Variants in MOCOS observed in about 807,000 individuals in gnomAD.
MOCOS encodes the protein molybdenum cofactor sulfurase.
In MOCOS, 86 loss-of-function variants were observed where a neutral mutation model predicts 83.6. That is an observed-to-expected ratio of 1.03 (90% confidence interval 0.86 to 1.23). The LOEUF (loss-of-function observed/expected upper bound fraction) is 1.23, where lower values mean the gene tolerates loss of function less well. Ranked by LOEUF, MOCOS falls within the 50% of genes most tolerant of loss-of-function variation. The pLI, the probability that MOCOS is intolerant of heterozygous loss-of-function variation, is 0.00. For missense variants in MOCOS, 1,120 were observed against 1,126.9 expected, an observed-to-expected ratio of 0.99 and a Z score of 0.09; for synonymous variants, 445 against 434.7, an observed-to-expected ratio of 1.02 and a Z score of -0.29.
At chr18:36,211,257 T>C (rs2091454602) in intron 6 of MOCOS, among the ~76,000 whole-genome samples, 1 of 152,184 alleles carries the variant, frequency 6.6e-6, no homozygotes, top group Non-Finnish European at 1.5e-5. Context: ...GAAGGCTTTG[T>C]GTTCTTGTTT....
chr18:36,199,939 T>A lies in MOCOS; in HGVS notation c.556T>A (p.Ser186Thr). ...GTGGTCTGCAGAGGAACGTAGTGCT[T>A]CAGCCAGCAACCCAGACTGCCAGCT... Reference protein sequence around the residue: ...DLWSAEERSASASNPDCQLPH... With the variant: ...DLWSAEERSATASNPDCQLPH... Residue 186 changes from serine (S) to threonine (T), a missense_variant, in exon 4 of 15, where the codon TCA becomes ACA. Coordinates refer to ENST00000261326, the MANE Select transcript of MOCOS (RefSeq NM_017947.4). 2 of 1,614,206 alleles carry A rather than the reference T, an allele frequency of 1.2e-6. No individual in the cohort carries two copies. Among genetic ancestry groups the A allele is most frequent in the Non-Finnish European group, 1.7e-6 (2 of 1,180,040 alleles).
intron 5 of MOCOS, among the ~76,000 whole-genome samples, chr18:36,203,890 G>A (rs1030559031): frequency 9.2e-5 from 14 of 152,166 alleles, no homozygotes; most frequent in African/African-American, 3.4e-4. Flanking sequence ...ATAAATACAG[G>A]CAGTGAGTAG....
In MOCOS at chr18:36,193,317, C is replaced by CAAAA. The variant is rs555145311; in HGVS notation, c.143-1905_143-1902dup. Among the ~76,000 whole-genome samples the CAAAA allele has an allele frequency of 1.9e-3, 71 of 38,310 alleles. 14 individuals carry two copies. Among genetic ancestry groups the CAAAA allele is most frequent in the East Asian group, 4.0e-3 (3 of 754 alleles). The allele number at this position is 38,310 out of a possible 152,430, so 25.1% of individuals were successfully genotyped here. ...TGGGCGACAGAGCGAGACTCCGTCT[C>CAAAA]AAAAAAAAAAAAAAAAAAAAAAAAA... On this transcript the variant is annotated intron_variant, in intron 1 of 14. Transcript: ENST00000261326.
intron 9 of MOCOS, among the ~76,000 whole-genome samples, chr18:36,239,939 C>T (rs2091574642): frequency 6.6e-6 from 1 of 150,792 alleles, no homozygotes; most frequent in Non-Finnish European, 1.5e-5. Flanking sequence ...GCTCCTGAGG[C>T]TTCTGCATTC....
chr18:36,219,067 C>T (rs1598879607), intron 8 of MOCOS, among the ~76,000 whole-genome samples: 6 of 150,848 alleles, frequency 4.0e-5, no homozygotes, highest in African/African-American at 1.5e-4. Flanking sequence ...TGGGGTTTCA[C>T]CATGTCGGCC....
chr18:36,215,839 G>A lies in MOCOS; in HGVS notation c.1659G>A (p.Val553=), dbSNP rs1294667160. The A allele has an allele frequency of 6.2e-7, 1 of 1,614,096 alleles. No individual in the cohort carries two copies. Among genetic ancestry groups the A allele is most frequent in the Non-Finnish European group, 8.5e-7 (1 of 1,180,060 alleles). Residue 553 remains valine, a synonymous_variant, in exon 8 of 15, where the codon GTG becomes GTA. Transcript: ENST00000261326. ...NNSSTVNAVP[V]APPVCDVART... The stretch of plus-strand genomic sequence containing the variant: ...CGTCTACTGTGAATGCTGTGCCTGT[G>A]GCCCCACCTGTGTGTGATGTCGCCA...
intron 13 of MOCOS, among the ~76,000 whole-genome samples, chr18:36,263,637 C>T (rs1568070866): frequency 1.3e-5 from 2 of 151,888 alleles, no homozygotes; most frequent in South Asian, 2.1e-4. Flanking sequence ...CTAGGATGGC[C>T]GGGGACAATC....
intron 7 of MOCOS, among the ~76,000 whole-genome samples, chr18:36,214,970 T>C (rs1259397254): frequency 6.6e-6 from 1 of 152,182 alleles, no homozygotes; most frequent in African/African-American, 2.4e-5. Flanking sequence ...TTCTTCCCCA[T>C]CTCCCTGCAG....
At chr18:36,240,580 G>A (rs1410514784) in intron 9 of MOCOS, among the ~76,000 whole-genome samples, 2 of 151,926 alleles carry the variant, frequency 1.3e-5, no homozygotes, top group Non-Finnish European at 2.9e-5. Context: ...GGTTACTGCT[G>A]TCTTTTTGTT....
rs531246229 is a variant in MOCOS, at chr18:36,267,701, G to A, written c.2515-832G>A. On this transcript the variant is annotated intron_variant, in intron 14 of 14. Transcript: ENST00000261326. The stretch of plus-strand genomic sequence containing the variant: ...GTTGTCTGGGGTGTGGGGACCTTGA[G>A]CCTGCACCATGCAGGTTGCCAGGAG... Among the ~76,000 whole-genome samples, 4 of 152,330 alleles carry A rather than the reference G, an allele frequency of 2.6e-5. No individual in the cohort carries two copies. The East Asian group carries it at 7.7e-4, about 29-fold the overall frequency.
intron 13 of MOCOS, among the ~76,000 whole-genome samples, chr18:36,265,266 G>C (rs558303830): frequency 2.5e-4 from 38 of 152,322 alleles, no homozygotes; most frequent in African/African-American, 8.2e-4. Context: ...ATGCATGAAG[G>C]ACATGGAGGA....
intron 6 of MOCOS, among the ~76,000 whole-genome samples, chr18:36,207,184 G>T (rs961604712): frequency 6.6e-6 from 1 of 152,042 alleles, no homozygotes; most frequent in African/African-American, 2.4e-5. Flanking sequence ...TTACAGATGT[G>T]CACCACTACG....
chr18:36,238,547 C>G (rs1420840947), intron 9 of MOCOS, among the ~76,000 whole-genome samples: 42 of 148,160 alleles, frequency 2.8e-4, no homozygotes, highest in African/African-American at 9.4e-4. Context: ...GAGTGCTTTA[C>G]TTCCAACTAT....
chr18:36,238,440 G>A lies in MOCOS; in HGVS notation c.1961-10482G>A, dbSNP rs1422582075. Among the ~76,000 whole-genome samples, 24 of 149,730 alleles carry A rather than the reference G, an allele frequency of 1.6e-4. No individual in the cohort carries two copies. The South Asian group carries it at 1.7e-3, about 11-fold the overall frequency. Reference sequence around the variant, plus strand: ...TTGTTCAGTTTCCATGTAGTTGAGCGGTTTTGAGTGAGATTCTTAATCCTG... The same window carrying A: ...TTGTTCAGTTTCCATGTAGTTGAGCAGTTTTGAGTGAGATTCTTAATCCTG... On this transcript the variant is annotated intron_variant, in intron 9 of 14. Transcript: ENST00000261326.
Position 36,188,340 on chromosome 18 carries a change from G to A in MOCOS, c.142+659G>A, listed in dbSNP as rs190037936. On this transcript the variant is annotated intron_variant, in intron 1 of 14. Transcript: ENST00000261326. Reference sequence around the variant, plus strand: ...GCAATTTCACCTTTAAGAACAGGGCGAGCCTGTGAATTAGACAACACCAAG... The same window carrying A: ...GCAATTTCACCTTTAAGAACAGGGCAAGCCTGTGAATTAGACAACACCAAG... 2.3e-3 allele frequency among the ~76,000 whole-genome samples: 344 copies of A among 152,362 alleles called. 2 individuals carry two copies. Among genetic ancestry groups the A allele is most frequent in the African/African-American group, 8.0e-3 (331 of 41,584 alleles).
chr18:36,247,405 G>C (rs1024537113), intron 9 of MOCOS, among the ~76,000 whole-genome samples: 1 of 152,182 alleles, frequency 6.6e-6, no homozygotes, highest in African/African-American at 2.4e-5. Flanking sequence ...TTCTACTTAG[G>C]AAAGTTTGTG....
At chr18:36,234,085 C>G (rs2091548815) in intron 9 of MOCOS, among the ~76,000 whole-genome samples, 1 of 152,074 alleles carries the variant, frequency 6.6e-6, no homozygotes, top group African/African-American at 2.4e-5. Flanking sequence ...CTTTTGGGTT[C>G]TTGGTCATGA....
chr18:36,260,233 C>T (rs1029726143), intron 13 of MOCOS, 58 bp downstream of exon 13: 180 of 1,608,532 alleles, frequency 1.1e-4, no homozygotes, highest in Non-Finnish European at 1.5e-4. Flanking sequence ...AGATTGACCT[C>T]AATCCCAGAC....
chr18:36,208,319 T>C (rs868724434), intron 6 of MOCOS, among the ~76,000 whole-genome samples: 4,100 of 152,284 alleles, frequency 0.027, 182 homozygotes, highest in African/African-American at 0.094. Context: ...TAGTTTTTTT[T>C]TCTAATTCCA....
Sources: allele counts gnomAD v4.1 joint callset (sites outside exome capture counted in the v4.1 genomes callset), GRCh38; gene constraint gnomAD v4.1.1; transcripts MANE v1.5; gene names NCBI Gene and HGNC (gene_info 2026-07-23, HGNC 2026-07-21).